Variants in GALK2 observed in about 807,000 individuals in gnomAD.
GALK2 encodes N-acetylgalactosamine kinase.
GALK2 carries 36 observed loss-of-function variants against 52.4 expected under a neutral mutation model. The observed-to-expected ratio is 0.69, with a 90% CI of 0.53 to 0.91. The LOEUF is 0.91. Among genes scored for constraint, GALK2 ranks in the 40% least tolerant of loss-of-function variants. The pLI is 0.00. For missense variants in GALK2, 579 were observed against 559.1 expected, an observed-to-expected ratio of 1.04 and a Z score of -0.36; for synonymous variants, 176 against 199.1, an observed-to-expected ratio of 0.88 and a Z score of 0.98.
Position 49,327,957 on chromosome 15 carries a change from T to A in GALK2, c.1175T>A (p.Phe392Tyr). ...TTTTTTCCTCACTGTTTTAGGAAGT[T>A]TGGGGCTCAAGGGTCACGACTTACT... ...LDQLVDICRK[F>Y]GAQGSRLTGA... Residue 392 changes from phenylalanine to tyrosine, a missense_variant, in exon 10 of 10, where the codon TTT becomes TAT. Coordinates refer to ENST00000560031, the MANE Select transcript of GALK2 (RefSeq NM_002044.4). 6.2e-7 allele frequency: 1 copy of A among 1,608,506 alleles called. No individual in the cohort carries two copies. The highest frequency in any genetic ancestry group is 8.5e-7 in the Non-Finnish European group (1 of 1,176,720).
intron 5 of GALK2, among the ~76,000 whole-genome samples, chr15:49,259,674 A>G (rs1361064205): frequency 6.7e-6 from 1 of 148,520 alleles, no homozygotes; most frequent in East Asian, 2.0e-4. Context: ...GGTGCGCTGC[A>G]CCCACTAACT....
intron 9 of GALK2, among the ~76,000 whole-genome samples, chr15:49,321,385 C>T (rs540145110): frequency 3.3e-5 from 5 of 152,084 alleles, no homozygotes; most frequent in Non-Finnish European, 5.9e-5. Context: ...TGTAGGCCAT[C>T]GGAAGGCTTC....
chr15:49,332,916 T>C (rs551342897), downstream of GALK2, among the ~76,000 whole-genome samples: 20 of 152,206 alleles, frequency 1.3e-4, no homozygotes, highest in African/African-American at 3.9e-4. Context: ...TCACTCATTC[T>C]CTCTCTGCTT....
chr15:49,238,374 T>C (rs886161675), intron 4 of GALK2, among the ~76,000 whole-genome samples: 1 of 152,232 alleles, frequency 6.6e-6, no homozygotes, highest in African/African-American at 2.4e-5. Context: ...CTTTGGGCTT[T>C]CCTATTTGTA....
intron 3 of GALK2, among the ~76,000 whole-genome samples, chr15:49,218,199 A>G (rs1042104633): frequency 3.9e-5 from 6 of 152,150 alleles, no homozygotes; most frequent in Non-Finnish European, 8.8e-5. Flanking sequence ...AAGACGTAGA[A>G]GTTTTTTACT....
At chr15:49,322,768 T>C (rs575872472) in intron 9 of GALK2, among the ~76,000 whole-genome samples, 4 of 152,066 alleles carry the variant, frequency 2.6e-5, no homozygotes, top group African/African-American at 7.2e-5. Context: ...TCATCCTGGC[T>C]AACACGGTGA....
At position 49,292,430 on chromosome 15, in the gene GALK2, A is replaced by G. The variant is rs1382845485; in HGVS notation, c.860A>G (p.Glu287Gly). 8 of 1,613,886 alleles carry G rather than the reference A, an allele frequency of 5.0e-6. No individual in the cohort carries two copies. Among genetic ancestry groups the G allele is most frequent in the Non-Finnish European group, 6.8e-6 (8 of 1,179,936 alleles). Residue 287 changes from glutamate (E) to glycine (G), a missense_variant, in exon 8 of 10, where the codon GAA (glutamate) becomes GGA (glycine). By Grantham distance (98) the Glu-to-Gly change is moderately conservative. Transcript: ENST00000560031. ...CTAGAAGAAATGCTGTTGGTCACAG[A>G]AGATGCCCTTCATCCTGAACCCTAT... ...ISLEEMLLVT[E>G]DALHPEPYNP... is the part of the protein sequence containing the mutation.
chr15:49,280,437 G>A (rs977473070), intron 5 of GALK2, among the ~76,000 whole-genome samples: 2 of 152,134 alleles, frequency 1.3e-5, no homozygotes, highest in South Asian at 2.1e-4. Flanking sequence ...AAGAGCCTGC[G>A]GTAGTAAAGA....
chr15:49,335,529 A>G (rs777227493), downstream of GALK2: 28 of 1,536,156 alleles, frequency 1.8e-5, no homozygotes, highest in Middle Eastern at 3.4e-4. Context: ...ATGATTTTCA[A>G]TTAGGAACAT....
intron 5 of GALK2, among the ~76,000 whole-genome samples, chr15:49,269,949 C>G (rs1021356561): frequency 1.3e-5 from 2 of 152,224 alleles, no homozygotes; most frequent in African/African-American, 4.8e-5. Context: ...CTTATTCTTT[C>G]TCTAAGCCAC....
chr15:49,228,668 TATATATATATATATATATA>T (rs2090285224), intron 3 of GALK2, among the ~76,000 whole-genome samples: 2 of 10,518 alleles, frequency 1.9e-4, no homozygotes, highest in South Asian at 2.9e-3. Context: ...CTGATATATA[TATATATATATATATATATA>T]TTTTTTTTTT....
At chr15:49,353,857 T>C (rs987702390) in intron 3 of GALK2, 2 of 152,238 alleles carry the variant, frequency 1.3e-5, no homozygotes, top group Non-Finnish European at 2.9e-5. Context: ...TCTTACCATA[T>C]GTTAATTAAG....
At chr15:49,271,560 C>G (rs561479679) in intron 5 of GALK2, among the ~76,000 whole-genome samples, 102 of 152,282 alleles carry the variant, frequency 6.7e-4, no homozygotes, top group African/African-American at 2.4e-3. Flanking sequence ...ACTCTGAGCT[C>G]AAATTCTGGC....
intron 3 of GALK2, among the ~76,000 whole-genome samples, chr15:49,354,942 G>A (rs1306163184): frequency 6.6e-5 from 10 of 151,922 alleles, no homozygotes; most frequent in African/African-American, 1.2e-4. Context: ...CCTGACCCTC[G>A]AGCAGCCTAA....
At chr15:49,280,637 T>TA (rs1222330806) in intron 5 of GALK2, among the ~76,000 whole-genome samples, 1 of 152,098 alleles carries the variant, frequency 6.6e-6, no homozygotes, top group Non-Finnish European at 1.5e-5. Context: ...TCAGAATAAT[T>TA]ATTCTAGAAA....
At chr15:49,209,868 C>T (rs1407781110) in intron 2 of GALK2, among the ~76,000 whole-genome samples, 2 of 152,114 alleles carry the variant, frequency 1.3e-5, no homozygotes, top group Non-Finnish European at 2.9e-5. Flanking sequence ...TCAAAGAATT[C>T]CCCGCCTTTC....
intron 3 of GALK2, chr15:49,353,392 A>C (rs1039657643): frequency 2.4e-4 from 37 of 152,106 alleles, no homozygotes; most frequent in African/African-American, 8.9e-4. Context: ...TTTTCAGACA[A>C]TTAGAGGAAA....
chr15:49,194,478 G>A (rs957119169), intron 1 of GALK2, among the ~76,000 whole-genome samples: 1 of 152,072 alleles, frequency 6.6e-6, no homozygotes, highest in Non-Finnish European at 1.5e-5. Flanking sequence ...CATTACGGAG[G>A]CCATATAGTA....
chr15:49,331,724 C>T lies in GALK2; in HGVS notation c.*3565C>T, dbSNP rs2038792742. Reference sequence around the variant, plus strand: ...CATTGCTTATGAAATATTGTCCAGTCTATATAAAAGAAGCTAGAGAGAGAA... The same window carrying T: ...CATTGCTTATGAAATATTGTCCAGTTTATATAAAAGAAGCTAGAGAGAGAA... On this transcript the variant is annotated 3_prime_UTR_variant, in exon 10 of 10. Transcript: ENST00000560031. The T allele has an allele frequency of 9.4e-7, 1 of 1,065,364 alleles. No homozygotes were observed. The highest frequency in any genetic ancestry group is 1.6e-5 in the African/African-American group (1 of 64,344). The allele number at this position is 1,065,364 out of a possible 1,614,324, so 66.0% of individuals were successfully genotyped here. A position where few individuals can be genotyped will look rare whatever the true frequency, so the allele number is the denominator to read the frequency against.
Sources: gnomAD v4.1 joint callset for allele counts (sites outside exome capture counted in the v4.1 genomes callset) on GRCh38, gnomAD v4.1.1 for gene constraint, MANE v1.5 for transcripts, NCBI Gene and HGNC (gene_info 2026-07-23, HGNC 2026-07-21) for gene names.